Variants in FUT8 observed in about 807,000 individuals in gnomAD.
The protein encoded by FUT8 is alpha-(1,6)-fucosyltransferase.
In FUT8, 29 loss-of-function variants were observed where a neutral mutation model predicts 71.3. The ratio of observed to expected loss-of-function variants is 0.41; its 90% confidence interval spans 0.30 to 0.55. The LOEUF is 0.55. Ranked by LOEUF, FUT8 falls within the 20% of genes least tolerant of loss-of-function variation. The pLI, the probability that FUT8 is intolerant of heterozygous loss-of-function variation, is 0.34. For missense variants in FUT8, 544 were observed against 702.1 expected, an observed-to-expected ratio of 0.77 and a Z score of 2.55; for synonymous variants, 254 against 239.3, an observed-to-expected ratio of 1.06 and a Z score of -0.57.
rs367948125 is a variant in FUT8, at chr14:65,685,148, AAAAC to A, written c.835+15681_835+15684del. ...AATAGGAAGATAAAAGCTCACACTT[AAAAC>A]AAACAAACAAACGAACAAACTTATT... On this transcript the variant is annotated intron_variant, in intron 7 of 10. Coordinates refer to ENST00000673929, the MANE Select transcript of FUT8 (RefSeq NM_001371533.1). 5.1e-3 allele frequency among the ~76,000 whole-genome samples: 777 copies of A among 152,302 alleles called. 6 individuals are homozygous for A. The highest frequency in any genetic ancestry group is 0.018 in the African/African-American group (739 of 41,564).
At chr14:65,703,818 A>T (rs1894431556) in intron 7 of FUT8, among the ~76,000 whole-genome samples, 1 of 152,242 alleles carries the variant, frequency 6.6e-6, no homozygotes, top group South Asian at 2.1e-4. Flanking sequence ...TAGTAGGCTA[A>T]GATGTACGTC....
At chr14:65,651,811 T>G (rs1383614511) in intron 6 of FUT8, among the ~76,000 whole-genome samples, 1 of 152,014 alleles carries the variant, frequency 6.6e-6, no homozygotes, top group African/African-American at 2.4e-5. Context: ...GCACTCAAAT[T>G]TAGATCAATA....
chr14:65,685,108 T>G (rs545809726), intron 7 of FUT8, among the ~76,000 whole-genome samples: 1 of 152,288 alleles, frequency 6.6e-6, no homozygotes, highest in South Asian at 2.1e-4. Flanking sequence ...TTTAGGCTAG[T>G]GACTACCAGA....
intron 2 of FUT8, among the ~76,000 whole-genome samples, chr14:65,463,180 T>G (rs941690952): frequency 1.3e-5 from 2 of 152,190 alleles, no homozygotes; most frequent in Non-Finnish European, 2.9e-5. Flanking sequence ...ATAGACATAA[T>G]TACAATAATA....
chr14:65,361,514 G>A, the FUT8 span, among the ~76,000 whole-genome samples: 4 of 151,192 alleles, frequency 2.6e-5, no homozygotes, highest in African/African-American at 4.8e-5. Context: ...ATGGCCGGGT[G>A]CGGTGGCTTG....
chr14:65,648,353 G>A (rs1891210671), intron 6 of FUT8, among the ~76,000 whole-genome samples: 1 of 152,058 alleles, frequency 6.6e-6, no homozygotes, highest in South Asian at 2.1e-4. Flanking sequence ...ATGAACTCTT[G>A]TTGGTATTCC....
At chr14:65,712,789 T>C (rs1014953758) in intron 7 of FUT8, among the ~76,000 whole-genome samples, 2 of 152,148 alleles carry the variant, frequency 1.3e-5, no homozygotes, top group Non-Finnish European at 2.9e-5. Flanking sequence ...ATTCTGTGGG[T>C]ACATAGTAGG....
chr14:65,595,573 A>G (rs962739869), intron 3 of FUT8, among the ~76,000 whole-genome samples: 3 of 149,722 alleles, frequency 2.0e-5, no homozygotes, highest in Admixed American at 2.0e-4. Flanking sequence ...TTATCAAATA[A>G]CTTGACGATT....
At chr14:65,531,938 A>G (rs141530872) in intron 2 of FUT8, among the ~76,000 whole-genome samples, 7 of 152,304 alleles carry the variant, frequency 4.6e-5, no homozygotes, top group African/African-American at 1.7e-4. Flanking sequence ...ATGTTACTGC[A>G]AAGTACATGA....
chr14:65,660,033 T>C lies in FUT8; in HGVS notation c.598-9210T>C, dbSNP rs1891884092. ...GCATTTATATAGGATTGTCAGATTCTGGCTCCTCATGTAACTCAACTTCTG... is the reference window on the plus strand; with the variant it reads ...GCATTTATATAGGATTGTCAGATTCCGGCTCCTCATGTAACTCAACTTCTG... On this transcript the variant is annotated intron_variant, in intron 6 of 10. Coordinates refer to ENST00000673929, the MANE Select transcript of FUT8 (RefSeq NM_001371533.1). The surrounding 1 kb of genome is among the most constrained non-coding windows in gnomAD (Gnocchi z 4.1). Among the ~76,000 whole-genome samples the C allele has an allele frequency of 6.6e-6, 1 of 152,208 alleles. No individual in the cohort carries two copies. The highest frequency in any genetic ancestry group is 6.5e-5 in the Admixed American group (1 of 15,270).
At chr14:65,480,631 A>G (rs1467436462) in intron 2 of FUT8, among the ~76,000 whole-genome samples, 1 of 151,324 alleles carries the variant, frequency 6.6e-6, no homozygotes, top group East Asian at 1.9e-4. Context: ...ACTTTTTCAG[A>G]CACCACTTTT....
intron 9 of FUT8, 60 bp downstream of exon 9, chr14:65,724,383 C>A: frequency 9.5e-7 from 1 of 1,051,136 alleles, no homozygotes; most frequent in Non-Finnish European, 1.4e-6. Flanking sequence ...TAAAAGAATT[C>A]TTACTTCCCA....
intron 7 of FUT8, among the ~76,000 whole-genome samples, chr14:65,701,575 T>TAC (rs1894297535): frequency 6.6e-6 from 1 of 152,234 alleles, no homozygotes; most frequent in Non-Finnish European, 1.5e-5. Flanking sequence ...AAATGCACCC[T>TAC]AAATGTGTCA....
chr14:65,548,680 A>G (rs1004949121), intron 2 of FUT8, among the ~76,000 whole-genome samples: 1 of 152,092 alleles, frequency 6.6e-6, no homozygotes, highest in Non-Finnish European at 1.5e-5. Context: ...ATTTATAGAC[A>G]TAGTACCAAA....
intron 6 of FUT8, among the ~76,000 whole-genome samples, chr14:65,653,582 C>A (rs753567677): frequency 3.3e-5 from 5 of 152,194 alleles, no homozygotes; most frequent in Non-Finnish European, 7.4e-5. Flanking sequence ...TTGCTGAAAA[C>A]TGAAAACAAT....
chr14:65,418,437 A>G (rs1400330582), intron 1 of FUT8, among the ~76,000 whole-genome samples: 1 of 152,244 alleles, frequency 6.6e-6, no homozygotes, highest in African/African-American at 2.4e-5. Flanking sequence ...AATATTTACA[A>G]ACCATCAAAA....
intron 1 of FUT8, among the ~76,000 whole-genome samples, chr14:65,449,169 T>C (rs2065785231): frequency 6.6e-6 from 1 of 152,200 alleles, no homozygotes; most frequent in South Asian, 2.1e-4. Flanking sequence ...ATGTTGATGA[T>C]GTAGACAACT....
intron 6 of FUT8, among the ~76,000 whole-genome samples, chr14:65,630,982 C>G (rs879938877): frequency 2.0e-5 from 3 of 152,094 alleles, no homozygotes; most frequent in African/African-American, 4.8e-5. Flanking sequence ...TTAAGGTGCA[C>G]ATTTTTCTAC....
chr14:65,678,000 T>C (rs1442391504), intron 7 of FUT8, among the ~76,000 whole-genome samples: 1 of 152,186 alleles, frequency 6.6e-6, no homozygotes, highest in African/African-American at 2.4e-5. Context: ...GAGTCAGAAG[T>C]TATTAGCTGT....
Sources: allele counts gnomAD v4.1 joint callset (sites outside exome capture counted in the v4.1 genomes callset), GRCh38; gene constraint gnomAD v4.1.1; non-coding constraint Gnocchi (gnomAD v3.1); transcripts MANE v1.5; gene names NCBI Gene and HGNC (gene_info 2026-07-23, HGNC 2026-07-21).